MAGI2: variants seen among roughly 807,000 people sequenced by gnomAD.
The protein encoded by MAGI2 is membrane associated guanylate kinase, WW and PDZ domain containing 2, also known as membrane-associated guanylate kinase, WW and PDZ domain-containing protein 2.
In MAGI2, 35 loss-of-function variants were observed where a neutral mutation model predicts 133.3. That is an observed-to-expected ratio of 0.26 (90% confidence interval 0.20 to 0.35). MAGI2 has a LOEUF of 0.35. Among genes scored for constraint, MAGI2 ranks in the 10% least tolerant of loss-of-function variants. The pLI is 1.00. For missense variants in MAGI2, 1,636 were observed against 1,863.4 expected (o/e 0.88, Z 2.25); for synonymous variants, 729 against 710.6 (o/e 1.03, Z -0.41).
intron 3 of MAGI2, among the ~76,000 whole-genome samples, chr7:78,586,790 C>T (rs1171040764): frequency 1.3e-5 from 2 of 152,156 alleles, no homozygotes; most frequent in African/African-American, 4.8e-5. Context: ...TGAATCTGAC[C>T]ACTCTACGTA....
intron 16 of MAGI2, chr7:78,158,177 A>C (rs1427068227): frequency 6.6e-6 from 1 of 152,150 alleles, no homozygotes; most frequent in Non-Finnish European, 1.5e-5. Context: ...AGTTTATAAG[A>C]ATTTTAGGAC....
intron 9 of MAGI2, among the ~76,000 whole-genome samples, chr7:78,259,778 G>A (rs1481010597): frequency 6.6e-6 from 1 of 152,156 alleles, no homozygotes; most frequent in Non-Finnish European, 1.5e-5. Flanking sequence ...AGAATTTCAC[G>A]GGAAAGAACT....
intron 1 of MAGI2, among the ~76,000 whole-genome samples, chr7:79,038,697 A>G (rs2116881132): frequency 6.6e-6 from 1 of 152,312 alleles, no homozygotes; most frequent in African/African-American, 2.4e-5. Flanking sequence ...TGTATGGAAT[A>G]TAATTTCTTT....
chr7:78,641,048 T>C (rs771909776), intron 2 of MAGI2, among the ~76,000 whole-genome samples: 15 of 152,188 alleles, frequency 9.9e-5, no homozygotes, highest in Non-Finnish European at 1.9e-4. Flanking sequence ...GCTTCCCTGT[T>C]TGCTGGTCAC....
At chr7:79,450,005 A>C (rs893469985) in intron 1 of MAGI2, among the ~76,000 whole-genome samples, 2 of 151,330 alleles carry the variant, frequency 1.3e-5, no homozygotes, top group African/African-American at 2.4e-5. Flanking sequence ...AAGTAAATAA[A>C]ATTAAGTAAA....
chr7:78,937,354 T>A (rs1258008340), intron 2 of MAGI2, among the ~76,000 whole-genome samples: 2 of 152,086 alleles, frequency 1.3e-5, no homozygotes, highest in African/African-American at 4.8e-5. Flanking sequence ...TTTAATAGAA[T>A]TCCAATTACT....
intron 12 of MAGI2, among the ~76,000 whole-genome samples, chr7:78,186,748 T>A (rs2150711106): frequency 6.6e-6 from 1 of 152,296 alleles, no homozygotes; most frequent in African/African-American, 2.4e-5. Context: ...TTATTATATC[T>A]AAGTTTTAAA....
intron 1 of MAGI2, among the ~76,000 whole-genome samples, chr7:79,421,505 AAAT>A (rs1308446880): frequency 1.3e-5 from 2 of 151,972 alleles, no homozygotes; most frequent in Non-Finnish European, 1.5e-5. Flanking sequence ...TTTATTAATA[AAAT>A]AATGAAGGAA....
At chr7:79,153,103 T>C (rs1823421755) in intron 1 of MAGI2, among the ~76,000 whole-genome samples, 1 of 152,202 alleles carries the variant, frequency 6.6e-6, no homozygotes, top group African/African-American at 2.4e-5. Flanking sequence ...AACCCTTTCC[T>C]GGTAGAGCCT....
intron 1 of MAGI2, among the ~76,000 whole-genome samples, chr7:79,239,971 T>A (rs1248299421): frequency 6.6e-6 from 1 of 152,194 alleles, no homozygotes; most frequent in Non-Finnish European, 1.5e-5. Flanking sequence ...GCGTTTTAAA[T>A]GTCTTCCCTC....
intron 2 of MAGI2, among the ~76,000 whole-genome samples, chr7:78,648,148 A>G (rs1263002246): frequency 6.6e-6 from 1 of 152,194 alleles, no homozygotes; most frequent in East Asian, 1.9e-4. Context: ...AGTATAATAA[A>G]AAAATTACAC....
intron 2 of MAGI2, among the ~76,000 whole-genome samples, chr7:78,726,076 A>T (rs957177290): frequency 6.6e-6 from 1 of 152,200 alleles, no homozygotes; most frequent in African/African-American, 2.4e-5. Flanking sequence ...AATTATAAAG[A>T]TAATTTGGAT....
chr7:78,736,261 T>G (rs1332388362), intron 2 of MAGI2, among the ~76,000 whole-genome samples: 1 of 152,114 alleles, frequency 6.6e-6, no homozygotes, highest in African/African-American at 2.4e-5. Flanking sequence ...CTAATAACAG[T>G]TTTTTTCTAT....
At chr7:79,395,499 G>A (rs1447397602) in intron 1 of MAGI2, among the ~76,000 whole-genome samples, 1 of 152,096 alleles carries the variant, frequency 6.6e-6, no homozygotes, top group Non-Finnish European at 1.5e-5. Flanking sequence ...TGTGTCTAGT[G>A]GTTTGACTTC....
intron 1 of MAGI2, among the ~76,000 whole-genome samples, chr7:79,324,619 AATATATATATTATATATATATAAAAT>A (rs1563116513): frequency 6.0e-4 from 43 of 72,260 alleles, no homozygotes; most frequent in African/African-American, 2.7e-3. Context: ...AAATATATAT[AATATATATATTATATATATATAAAAT>A]ATATATATAT....
At chr7:78,835,620 G>C (rs1426093574) in intron 2 of MAGI2, among the ~76,000 whole-genome samples, 1 of 152,052 alleles carries the variant, frequency 6.6e-6, no homozygotes, top group Non-Finnish European at 1.5e-5. Flanking sequence ...AAACTGACAG[G>C]GTTTGCCATA....
At chr7:79,378,092 AT>A (rs1843502943) in intron 1 of MAGI2, among the ~76,000 whole-genome samples, 1 of 151,840 alleles carries the variant, frequency 6.6e-6, no homozygotes, top group African/African-American at 2.4e-5. Flanking sequence ...GGGTCAAGCT[AT>A]CCCATTATTT....
intron 2 of MAGI2, among the ~76,000 whole-genome samples, chr7:78,905,504 T>G (rs73144940): frequency 6.6e-6 from 1 of 151,994 alleles, no homozygotes; most frequent in Admixed American, 6.6e-5. Context: ...ATTTAGTGCA[T>G]TGCCTGGCAT....
intron 16 of MAGI2, among the ~76,000 whole-genome samples, chr7:78,147,991 A>T (rs1449323637): frequency 6.6e-6 from 1 of 152,160 alleles, no homozygotes; most frequent in East Asian, 1.9e-4. Context: ...TGGTACAGCC[A>T]CTTTGGAAAT....
Sources: gnomAD v4.1 joint callset for allele counts (sites outside exome capture counted in the v4.1 genomes callset) on GRCh38, gnomAD v4.1.1 for gene constraint, MANE v1.5 for transcripts, NCBI Gene and HGNC (gene_info 2026-07-23, HGNC 2026-07-21) for gene names.